PEMT: variants seen among roughly 807,000 people sequenced by gnomAD.
PEMT encodes phosphatidylethanolamine N-methyltransferase.
In PEMT, 23 loss-of-function variants were observed where a neutral mutation model predicts 27.4. That is an observed-to-expected ratio of 0.84 (90% confidence interval 0.60 to 1.19). The LOEUF (loss-of-function observed/expected upper bound fraction) is 1.19, where lower values mean the gene tolerates loss of function less well. PEMT is among the 50% of genes most tolerant of loss of function. PEMT has a pLI of 0.00. For missense variants in PEMT, 307 were observed against 310.1 expected, an observed-to-expected ratio of 0.99 and a Z score of 0.07; for synonymous variants, 137 against 139.1, an observed-to-expected ratio of 0.98 and a Z score of 0.11.
rs544266686 is a variant in PEMT, at chr17:17,587,940, A to C, written c.96+3591T>G. 4.5e-3 allele frequency among the ~76,000 whole-genome samples: 683 copies of C among 152,294 alleles called. 4 individuals are homozygous for C. The highest frequency in any genetic ancestry group is 0.015 in the African/African-American group (637 of 41,570). ...CCAGATAAAGAAAGAAGATCCCCCCAAAAATTAGAGCAAATCAAATCCAGC... is the reference window on the plus strand; with the variant it reads ...CCAGATAAAGAAAGAAGATCCCCCCCAAAATTAGAGCAAATCAAATCCAGC... On this transcript the variant is annotated intron_variant, in intron 1 of 6. Coordinates refer to ENST00000255389, the MANE Select transcript of PEMT (RefSeq NM_148172.3).
At chr17:17,580,324 A>C (rs891154994) in intron 1 of PEMT, among the ~76,000 whole-genome samples, 1 of 152,060 alleles carries the variant, frequency 6.6e-6, no homozygotes, top group Non-Finnish European at 1.5e-5. Context: ...TAAAAATACA[A>C]AAATTAGCCA....
At chr17:17,510,287 G>C (rs1906267659) in intron 4 of PEMT, among the ~76,000 whole-genome samples, 1 of 152,218 alleles carries the variant, frequency 6.6e-6, no homozygotes, top group Non-Finnish European at 1.5e-5. Context: ...CGGGGTCACA[G>C]TCACAGTGTC....
At chr17:17,551,746 C>A (rs1015313763) in intron 2 of PEMT, among the ~76,000 whole-genome samples, 13 of 152,322 alleles carry the variant, frequency 8.5e-5, no homozygotes, top group Non-Finnish European at 1.6e-4. Flanking sequence ...CGGCCACCAG[C>A]GCAGGGCATG....
At chr17:17,518,009 AC>A in intron 3 of PEMT, 1 of 984,878 alleles carries the variant, frequency 1.0e-6, no homozygotes. Flanking sequence ...CGACAGCCAC[AC>A]TCCGAGGCCA....
At chr17:17,586,420 T>A (rs566727307) in intron 1 of PEMT, among the ~76,000 whole-genome samples, 1 of 151,906 alleles carries the variant, frequency 6.6e-6, no homozygotes, top group African/African-American at 2.4e-5. Context: ...CCAAAACAGA[T>A]CACACTTGGG....
At chr17:17,587,859 G>C (rs1912398521) in intron 1 of PEMT, among the ~76,000 whole-genome samples, 1 of 152,124 alleles carries the variant, frequency 6.6e-6, no homozygotes, top group Non-Finnish European at 1.5e-5. Flanking sequence ...GTACATGCCT[G>C]AGCAACAGAG....
intron 2 of PEMT, among the ~76,000 whole-genome samples, chr17:17,570,077 A>G (rs1911084587): frequency 6.6e-6 from 1 of 152,216 alleles, no homozygotes; most frequent in African/African-American, 2.4e-5. Context: ...TCAATGGGCA[A>G]TCCACGCTCA....
At chr17:17,511,125 A>G (rs1906355224) in intron 4 of PEMT, among the ~76,000 whole-genome samples, 1 of 152,050 alleles carries the variant, frequency 6.6e-6, no homozygotes, top group South Asian at 2.1e-4. Context: ...GCCCTGTCCC[A>G]ACCGACAGCA....
intron 3 of PEMT, chr17:17,517,953 C>T (rs1335711474): frequency 1.0e-6 from 1 of 985,464 alleles, no homozygotes; most frequent in Middle Eastern, 5.2e-4. Flanking sequence ...CCAGGTGCCT[C>T]CTAGCCCAGC....
chr17:17,546,704 A>G (rs1241735373), intron 2 of PEMT, among the ~76,000 whole-genome samples: 2 of 152,164 alleles, frequency 1.3e-5, no homozygotes, highest in Non-Finnish European at 2.9e-5. Context: ...GGCCTAGCCT[A>G]TGGCCAAAGA....
intron 2 of PEMT, among the ~76,000 whole-genome samples, chr17:17,525,790 C>T (rs1036895323): frequency 5.3e-5 from 8 of 152,124 alleles, no homozygotes; most frequent in South Asian, 2.1e-4. Context: ...GTCAGGAGTT[C>T]GAGACCAGCC....
chr17:17,568,699 G>T (rs1319827775), intron 2 of PEMT, among the ~76,000 whole-genome samples: 1 of 152,216 alleles, frequency 6.6e-6, no homozygotes, highest in Non-Finnish European at 1.5e-5. Flanking sequence ...TAGACCGCTG[G>T]CTGGGGATCT....
At position 17,561,308 on chromosome 17, in the gene PEMT, C is replaced by T. The variant is rs1409026108; in HGVS notation, c.204+15612G>A. Among the ~76,000 whole-genome samples, 1 of 152,186 alleles carries T rather than the reference C, an allele frequency of 6.6e-6. No individual in the cohort carries two copies. The highest frequency in any genetic ancestry group is 1.5e-5 in the Non-Finnish European group (1 of 68,030). ...GGTAACCCTCTTTCACAGTTAAGAA[C>T]GCCAAGGCACGAAGCTTAGCACAGT... On this transcript the variant is annotated intron_variant, in intron 2 of 6. Coordinates refer to ENST00000255389, the MANE Select transcript of PEMT (RefSeq NM_148172.3). The surrounding 1 kb of genome is among the most constrained non-coding windows in gnomAD (Gnocchi z 4.5).
rs368150265 is a variant in PEMT, at chr17:17,591,631, G to T, written c.-5C>A. On this transcript the variant is annotated 5_prime_UTR_variant, in exon 1 of 7. Transcript: ENST00000255389. The stretch of plus-strand genomic sequence containing the variant: ...CGGGTTCCCAGATCTCTTCATCCGG[G>T]GGCCGCCTCAGGAGGCACCACGCGG... The T allele has an allele frequency of 6.2e-7, 1 of 1,610,296 alleles. No homozygotes were observed. Among genetic ancestry groups the T allele is most frequent in the Admixed American group, 1.7e-5 (1 of 59,748 alleles).
intron 2 of PEMT, among the ~76,000 whole-genome samples, chr17:17,563,697 C>T (rs529888634): frequency 1.5e-3 from 233 of 152,296 alleles, no homozygotes; most frequent in African/African-American, 5.2e-3. Flanking sequence ...GCCTGGAGCC[C>T]GGCTGTCCAC....
intron 1 of PEMT, among the ~76,000 whole-genome samples, chr17:17,580,635 T>C (rs1175552110): frequency 1.3e-5 from 2 of 152,162 alleles, no homozygotes; most frequent in African/African-American, 4.8e-5. Context: ...TCTCCCTGCA[T>C]GTGCACAGCA....
Position 17,552,826 on chromosome 17 carries a change from C to T in PEMT, c.204+24094G>A, listed in dbSNP as rs4646382. 2.6e-5 allele frequency among the ~76,000 whole-genome samples: 4 copies of T among 152,210 alleles called. No individual in the cohort carries two copies. The South Asian group carries it at 6.2e-4, about 24-fold the overall frequency. On this transcript the variant is annotated intron_variant, in intron 2 of 6. Coordinates refer to ENST00000255389, the MANE Select transcript of PEMT (RefSeq NM_148172.3). ...TCCCCAGGGCAGGGGCGTGTCTCAGCGCTGACAGTGAAGAGGTGTCAAATC... is the reference window on the plus strand; with the variant it reads ...TCCCCAGGGCAGGGGCGTGTCTCAGTGCTGACAGTGAAGAGGTGTCAAATC...
intron 5 of PEMT, chr17:17,508,663 A>G: frequency 2.7e-6 from 1 of 377,134 alleles, no homozygotes; most frequent in South Asian, 1.9e-5. Context: ...GGGGCTGGGT[A>G]TGAAGCCGAG....
At chr17:17,506,096 T>C in intron 6 of PEMT, 131 bp downstream of exon 6, 3 of 991,976 alleles carry the variant, frequency 3.0e-6, no homozygotes, top group South Asian at 1.7e-5. Context: ...CGCTCTGACC[T>C]GGGAGCCCTG....
Sources: allele counts gnomAD v4.1 joint callset (sites outside exome capture counted in the v4.1 genomes callset), GRCh38; gene constraint gnomAD v4.1.1; non-coding constraint Gnocchi (gnomAD v3.1); transcripts MANE v1.5; gene names NCBI Gene and HGNC (gene_info 2026-07-23, HGNC 2026-07-21).